Variants in OR51E2 observed in about 807,000 individuals in gnomAD.
The protein encoded by OR51E2 is olfactory receptor family 51 subfamily E member 2, also known as olfactory receptor 51E2.
In OR51E2, 14 loss-of-function variants were observed where a neutral mutation model predicts 13.7. That is an observed-to-expected ratio of 1.02 (90% CI 0.68 to 1.60). OR51E2 has a LOEUF of 1.60. Ranked by LOEUF, OR51E2 falls within the 40% of genes most tolerant of loss-of-function variation. OR51E2 has a pLI of 0.00. For synonymous variants in OR51E2, 180 were observed against 157.6 expected, an observed-to-expected ratio of 1.14 and a Z score of -1.07; for missense variants, 483 against 413.8, an observed-to-expected ratio of 1.17 and a Z score of -1.45.
intron 1 of OR51E2, among the ~76,000 whole-genome samples, chr11:4,684,775 C>T (rs1847496283): frequency 6.6e-6 from 1 of 152,154 alleles, no homozygotes; most frequent in Non-Finnish European, 1.5e-5. Flanking sequence ...TGAAAGACCT[C>T]ACGTCACCTT....
chr11:4,695,751 G>T (rs1239625874), intron 1 of OR51E2, among the ~76,000 whole-genome samples: 1 of 149,528 alleles, frequency 6.7e-6, no homozygotes, highest in Non-Finnish European at 1.5e-5. Flanking sequence ...TCCTTCATTA[G>T]CTTCAGTGAT....
Position 4,682,090 on chromosome 11 carries a change from C to T in OR51E2, c.622G>A (p.Val208Met), listed in dbSNP as rs143436334. The T allele has an allele frequency of 2.3e-4, 366 of 1,614,200 alleles. 1 individual carries two copies. In the African/African-American group the frequency reaches 4.1e-3, roughly 18 times the overall value. ...GACAAGGAGATGAACATTACGTCCACGCCCATGACCAGCAGAATGGCAGTA... is the reference window on the plus strand; with the variant it reads ...GACAAGGAGATGAACATTACGTCCATGCCCATGACCAGCAGAATGGCAGTA... ...GLTAILLVMGVDVMFISLSYF... is the reference protein window; with the variant it reads ...GLTAILLVMGMDVMFISLSYF... Residue 208 changes from valine (V) to methionine (M), a missense_variant, in exon 2 of 2, where the codon GTG becomes ATG. Transcript: ENST00000396950.
intron 1 of OR51E2, chr11:4,692,064 G>T (rs1368902791): frequency 5.2e-6 from 2 of 382,754 alleles, no homozygotes; most frequent in Admixed American, 3.4e-5. Context: ...TTTATGGCAT[G>T]TTTAAATTGT....
chr11:4,688,251 T>G (rs574053425), intron 1 of OR51E2, among the ~76,000 whole-genome samples: 1 of 152,172 alleles, frequency 6.6e-6, no homozygotes, highest in Non-Finnish European at 1.5e-5. Flanking sequence ...GGGAGAGGTG[T>G]TGTTGTTGTT....
chr11:4,684,190 T>C (rs1370642015), intron 1 of OR51E2, among the ~76,000 whole-genome samples: 2 of 152,266 alleles, frequency 1.3e-5, no homozygotes, highest in African/African-American at 4.8e-5. Flanking sequence ...TACTTCTGCC[T>C]GTATTTTCTC....
At chr11:4,693,067 A>G (rs550422970) in intron 1 of OR51E2, among the ~76,000 whole-genome samples, 1 of 152,302 alleles carries the variant, frequency 6.6e-6, no homozygotes, top group East Asian at 1.9e-4. Context: ...TAGTTAATGT[A>G]TAGTATATTT....
intron 1 of OR51E2, among the ~76,000 whole-genome samples, chr11:4,684,869 G>A (rs1847497862): frequency 6.6e-6 from 1 of 152,116 alleles, no homozygotes; most frequent in Admixed American, 6.5e-5. Context: ...TGTGACTGTT[G>A]CATTCATTCT....
intron 1 of OR51E2, among the ~76,000 whole-genome samples, chr11:4,686,275 C>T (rs1847514857): frequency 6.6e-6 from 1 of 151,844 alleles, no homozygotes; most frequent in South Asian, 2.1e-4. Flanking sequence ...TTGGGTGGGT[C>T]CAAAAAGAGG....
chr11:4,694,959 G>T (rs1439776809), intron 1 of OR51E2, among the ~76,000 whole-genome samples: 1 of 152,130 alleles, frequency 6.6e-6, no homozygotes, highest in Non-Finnish European at 1.5e-5. Context: ...GTGTGCTTTT[G>T]CAGTGCCGTT....
rs1466573877 is a variant in OR51E2 at position 4,682,742 on chromosome 11, G to A, written c.-31C>T. The A allele has an allele frequency of 6.3e-7, 1 of 1,598,240 alleles. No individual in the cohort carries two copies. Among genetic ancestry groups the A allele is most frequent in the African/African-American group, 1.3e-5 (1 of 74,626 alleles). On this transcript the variant is annotated 5_prime_UTR_variant, in exon 2 of 2. Coordinates refer to ENST00000396950, the MANE Select transcript of OR51E2 (RefSeq NM_030774.4). ...GAACTGAGGAGGGGTGACTGGAGAG[G>A]GTGAGGTCACACTGGCAGTCTGCAG...
intron 1 of OR51E2, among the ~76,000 whole-genome samples, chr11:4,694,843 G>C (rs1356644886): frequency 2.0e-5 from 3 of 152,078 alleles, no homozygotes; most frequent in African/African-American, 7.2e-5. Context: ...GTGTCTGTGT[G>C]TGTCAAGAAG....
intron 1 of OR51E2, among the ~76,000 whole-genome samples, chr11:4,692,390 T>C (rs960733856): frequency 1.3e-5 from 2 of 152,218 alleles, no homozygotes; most frequent in Non-Finnish European, 2.9e-5. Context: ...TGCCCCCACC[T>C]GATATAATGT....
At chr11:4,694,627 CAA>C (rs1406939860) in intron 1 of OR51E2, among the ~76,000 whole-genome samples, 1 of 151,146 alleles carries the variant, frequency 6.6e-6, no homozygotes, top group Non-Finnish European at 1.5e-5. Context: ...CTTGCTGTGT[CAA>C]GAGTCTAGGG....
intron 1 of OR51E2, among the ~76,000 whole-genome samples, chr11:4,689,567 T>A (rs1412761732): frequency 1.3e-5 from 2 of 152,160 alleles, no homozygotes; most frequent in Non-Finnish European, 2.9e-5. Flanking sequence ...CTTAAATTAG[T>A]GATATTAGTG....
Position 4,681,884 on chromosome 11 carries a change from A to G in OR51E2, c.828T>C (p.Gly276=), listed in dbSNP as rs1043740499. 2 of 1,614,018 alleles carry G rather than the reference A, an allele frequency of 1.2e-6. No individual in the cohort carries two copies. Among genetic ancestry groups the G allele is most frequent in the African/African-American group, 2.7e-5 (2 of 74,898 alleles). The change falls in exon 2 of 2, where the codon GGT becomes GGC. Residue 276 remains glycine, a synonymous_variant. Coordinates refer to ENST00000396950, the MANE Select transcript of OR51E2 (RefSeq NM_030774.4). ...SLHPIVRVVM[G]DIYLLLPPVI... is the part of the protein sequence containing the mutation. The stretch of plus-strand genomic sequence containing the variant: ...CAGGAGGCAGCAGCAGGTAGATGTC[A>G]CCCATGACAACACGCACAATGGGAT...
Position 4,695,624 on chromosome 11 carries a change from A to T in OR51E2, c.-51+2029T>A, listed in dbSNP as rs1431681349. Among the ~76,000 whole-genome samples, 4 of 152,132 alleles carry T rather than the reference A, an allele frequency of 2.6e-5. No individual in the cohort carries two copies. In the East Asian group the frequency reaches 7.7e-4, roughly 29 times the overall value. ...TCCCTAATGACTCTGAAAATCCTCC[A>T]AATGATGTCACCCGTGATTTTCTAC... is the stretch of plus-strand genomic sequence containing the variant. On this transcript the variant is annotated intron_variant, in intron 1 of 1. Coordinates refer to ENST00000396950, the MANE Select transcript of OR51E2 (RefSeq NM_030774.4).
rs1415746965 is a variant in OR51E2 at position 4,682,125 on chromosome 11, A to G, written c.587T>C (p.Val196Ala). ...CAGCAGAATGGCAGTAAGACCATAT[A>G]CCACATTGGGCAAAGTGTCTGCATA... ...LAYADTLPNV[V>A]YGLTAILLVM... Residue 196 changes from valine to alanine, a missense_variant, in exon 2 of 2, where the codon GTA becomes GCA. By Grantham distance (64) the Val-to-Ala change is moderately conservative. Transcript: ENST00000396950. 6.2e-7 allele frequency: 1 copy of G among 1,614,212 alleles called. No individual in the cohort carries two copies. The highest frequency in any genetic ancestry group is 1.3e-5 in the African/African-American group (1 of 75,058).
In OR51E2 at chr11:4,694,868, A is replaced by G. The variant is rs117890519; in HGVS notation, c.-51+2785T>C. On this transcript the variant is annotated intron_variant, in intron 1 of 1. Coordinates refer to ENST00000396950, the MANE Select transcript of OR51E2 (RefSeq NM_030774.4). Reference sequence around the variant, plus strand: ...GTGTCAAGAAGAACTAGTTCCAAGAATGTTAACAGAATGTATGCTTTATAA... The same window carrying G: ...GTGTCAAGAAGAACTAGTTCCAAGAGTGTTAACAGAATGTATGCTTTATAA... Among the ~76,000 whole-genome samples, 70 of 152,238 alleles carry G rather than the reference A, an allele frequency of 4.6e-4. No homozygotes were observed. In the East Asian group the frequency reaches 0.011, roughly 24 times the overall value.
intron 1 of OR51E2, among the ~76,000 whole-genome samples, chr11:4,696,932 G>C (rs1847662669): frequency 6.6e-6 from 1 of 151,718 alleles, no homozygotes; most frequent in Non-Finnish European, 1.5e-5. Context: ...AACTAGTTTT[G>C]AGACCATCTA....
Sources: gnomAD v4.1 joint callset for allele counts (sites outside exome capture counted in the v4.1 genomes callset) on GRCh38, gnomAD v4.1.1 for gene constraint, MANE v1.5 for transcripts, NCBI Gene and HGNC (gene_info 2026-07-23, HGNC 2026-07-21) for gene names.